The following DSCAM variants were observed in gnomAD, a reference collection of about 807,000 sequenced individuals.
The protein encoded by DSCAM is cell adhesion molecule DSCAM.
DSCAM carries 47 observed loss-of-function variants against 217.7 expected under a neutral mutation model. That is an observed-to-expected ratio of 0.22 (90% CI 0.17 to 0.28). DSCAM has a LOEUF of 0.28. Among genes scored for constraint, DSCAM ranks in the 10% least tolerant of loss-of-function variants. The pLI is 1.00. For synonymous variants in DSCAM, 1,056 were observed against 1,015.3 expected (o/e 1.04, Z -0.76); for missense variants, 2,080 against 2,618.3 (o/e 0.79, Z 4.49).
At chr21:40,555,184 T>C (rs1390429460) in intron 3 of DSCAM, among the ~76,000 whole-genome samples, 5 of 152,326 alleles carry the variant, frequency 3.3e-5, no homozygotes, top group African/African-American at 9.6e-5. Flanking sequence ...TAGCTCAGGG[T>C]CTCACATCCA....
At chr21:40,014,886 G>A (rs899321066) in intron 32 of DSCAM, among the ~76,000 whole-genome samples, 29 of 152,068 alleles carry the variant, frequency 1.9e-4, no homozygotes, top group East Asian at 1.9e-4. Context: ...TTTCCTCTTC[G>A]TCCTCTTCCT....
intron 27 of DSCAM, among the ~76,000 whole-genome samples, chr21:40,070,983 A>G: frequency 6.6e-6 from 1 of 152,174 alleles, no homozygotes; most frequent in East Asian, 1.9e-4. Context: ...GACATCACTC[A>G]CTGATTTTTA....
chr21:40,345,999 T>C (rs1411171785), intron 6 of DSCAM, among the ~76,000 whole-genome samples: 1 of 152,250 alleles, frequency 6.6e-6, no homozygotes, highest in Non-Finnish European at 1.5e-5. Flanking sequence ...GAAATCTTTC[T>C]TGCTGTCACT....
chr21:40,451,601 G>A (rs2075720233), intron 3 of DSCAM, among the ~76,000 whole-genome samples: 2 of 152,116 alleles, frequency 1.3e-5, no homozygotes, highest in Non-Finnish European at 2.9e-5. Flanking sequence ...TTTCTCAGTT[G>A]CATCAAACAT....
At chr21:40,600,453 T>C (rs1416868828) in intron 3 of DSCAM, among the ~76,000 whole-genome samples, 2 of 152,168 alleles carry the variant, frequency 1.3e-5, no homozygotes, top group African/African-American at 4.8e-5. Flanking sequence ...CATGATTTAA[T>C]CACCTCTCAA....
chr21:40,054,926 C>T lies in DSCAM; in HGVS notation c.5035+799G>A, dbSNP rs116321600. On this transcript the variant is annotated intron_variant, in intron 29 of 32. Transcript: ENST00000400454. ...GAAAGGTTAAATTAAGTAATGCACA[C>T]GAAGTGCTTATAAAAACTATGTGAC... Among the ~76,000 whole-genome samples, 269 of 152,246 alleles carry T rather than the reference C, an allele frequency of 1.8e-3. 1 individual carries two copies. The highest frequency in any genetic ancestry group is 5.9e-3 in the African/African-American group (244 of 41,546).
Position 40,011,004 on chromosome 21 carries a change from T to G in DSCAM, c.*2030A>C, listed in dbSNP as rs907601287. 1 of 152,194 alleles carries G rather than the reference T, an allele frequency of 6.6e-6. No individual in the cohort carries two copies. The highest frequency in any genetic ancestry group is 1.5e-5 in the Non-Finnish European group (1 of 68,032). 9.4% of individuals were successfully genotyped at this position (152,194 alleles called of 1,614,324 possible). On this transcript the variant is annotated 3_prime_UTR_variant, in exon 33 of 33. Transcript: ENST00000400454. Reference sequence around the variant, plus strand: ...ATCCATTCTAGAGGCAGACATAATGTAGAATTTTTTTATTTTTGTACAGGT... The same window carrying G: ...ATCCATTCTAGAGGCAGACATAATGGAGAATTTTTTTATTTTTGTACAGGT...
chr21:40,493,818 G>A (rs1182004704), intron 3 of DSCAM, among the ~76,000 whole-genome samples: 17 of 147,270 alleles, frequency 1.2e-4, no homozygotes, highest in African/African-American at 1.5e-4. Context: ...AGTCAAGATC[G>A]TGCCATTGCA....
intron 3 of DSCAM, among the ~76,000 whole-genome samples, chr21:40,508,557 T>G (rs902749487): frequency 1.3e-5 from 2 of 151,500 alleles, no homozygotes; most frequent in African/African-American, 4.8e-5. Flanking sequence ...TTAGTATTGC[T>G]GTTGTTGTTA....
At chr21:40,431,894 A>T (rs1364189774) in intron 3 of DSCAM, among the ~76,000 whole-genome samples, 3 of 152,182 alleles carry the variant, frequency 2.0e-5, no homozygotes, top group Admixed American at 6.5e-5. Context: ...ATAGAAACTG[A>T]TTCTCTTATA....
chr21:40,618,614 T>C (rs1246197849), intron 3 of DSCAM: 5 of 151,254 alleles, frequency 3.3e-5, no homozygotes, highest in African/African-American at 7.3e-5. Context: ...TATAAATTAA[T>C]TGAAACAGGA....
chr21:40,030,672 G>A (rs866107948), intron 32 of DSCAM, among the ~76,000 whole-genome samples: 1 of 152,126 alleles, frequency 6.6e-6, no homozygotes, highest in African/African-American at 2.4e-5. Context: ...TGCTGTTCAC[G>A]CCCACTCGAT....
intron 27 of DSCAM, among the ~76,000 whole-genome samples, chr21:40,064,047 T>A (rs1736848956): frequency 6.6e-6 from 1 of 152,170 alleles, no homozygotes; most frequent in African/African-American, 2.4e-5. Context: ...CATGTCTTTA[T>A]ATTTATCTGC....
chr21:40,846,572 C>T (rs1229473898), intron 1 of DSCAM, 47 bp downstream of exon 1: 6 of 302,002 alleles, frequency 2.0e-5, no homozygotes, highest in African/African-American at 1.3e-4. Flanking sequence ...CCCGCCCCCC[C>T]GGTCAATGAT....
intron 20 of DSCAM, among the ~76,000 whole-genome samples, chr21:40,096,858 C>T (rs561778568): frequency 2.3e-4 from 35 of 152,168 alleles, no homozygotes. Flanking sequence ...ATTTGAAAAA[C>T]AATCAAGGTA....
At chr21:40,575,396 C>G (rs928365487) in intron 3 of DSCAM, among the ~76,000 whole-genome samples, 2 of 151,936 alleles carry the variant, frequency 1.3e-5, no homozygotes, top group Non-Finnish European at 1.5e-5. Flanking sequence ...TCTCTTCACA[C>G]GGACGCGAAT....
At chr21:40,013,465 G>T in intron 32 of DSCAM, 79 bp from the exon 33 acceptor site, 1 of 1,074,100 alleles carries the variant, frequency 9.3e-7, no homozygotes, top group Non-Finnish European at 1.3e-6. Flanking sequence ...CACACGGGAA[G>T]CCATGCGGGC....
At chr21:40,710,804 G>A (rs771814063) in intron 1 of DSCAM, among the ~76,000 whole-genome samples, 65 of 152,180 alleles carry the variant, frequency 4.3e-4, no homozygotes, top group Non-Finnish European at 4.1e-4. Context: ...TCTAAAGCAG[G>A]TGCATACCTA....
intron 9 of DSCAM, among the ~76,000 whole-genome samples, chr21:40,311,501 A>G (rs1569056655): frequency 6.6e-6 from 1 of 152,178 alleles, no homozygotes; most frequent in African/African-American, 2.4e-5. Context: ...CCCTATTTTA[A>G]TTTTTTTGAA....
Sources: allele counts gnomAD v4.1 joint callset (sites outside exome capture counted in the v4.1 genomes callset), GRCh38; gene constraint gnomAD v4.1.1; transcripts MANE v1.5; gene names NCBI Gene and HGNC (gene_info 2026-07-23, HGNC 2026-07-21).